Variants in CNOT4 observed in about 807,000 individuals in gnomAD.
CNOT4 encodes the protein CCR4-NOT transcription complex subunit 4.
CNOT4 carries 8 observed loss-of-function variants against 73.8 expected under a neutral mutation model. The ratio of observed to expected loss-of-function variants is 0.11; its 90% CI spans 0.06 to 0.20. CNOT4 has a LOEUF of 0.20. Ranked by LOEUF, CNOT4 falls within the 10% of genes least tolerant of loss-of-function variation. CNOT4 has a pLI of 1.00. For missense variants in CNOT4, 564 were observed against 883.4 expected, an observed-to-expected ratio of 0.64 and a Z score of 4.58; for synonymous variants, 293 against 321.1, an observed-to-expected ratio of 0.91 and a Z score of 0.94.
intron 1 of CNOT4, among the ~76,000 whole-genome samples, chr7:135,478,156 T>C (rs1802117409): frequency 1.3e-5 from 2 of 152,194 alleles, no homozygotes; most frequent in Non-Finnish European, 2.9e-5. Context: ...ACACTCTTAT[T>C]TGAATGAAAT....
intron 2 of CNOT4, among the ~76,000 whole-genome samples, chr7:135,431,668 G>A (rs1269218538): frequency 2.0e-5 from 3 of 151,016 alleles, no homozygotes; most frequent in Non-Finnish European, 4.4e-5. Context: ...ACTTGAACCC[G>A]GCAGGTGGAG....
At chr7:135,446,556 T>C (rs1585656263) in intron 1 of CNOT4, among the ~76,000 whole-genome samples, 1 of 152,288 alleles carries the variant, frequency 6.6e-6, no homozygotes, top group East Asian at 1.9e-4. Flanking sequence ...TTTTTGCCAA[T>C]CTAATAGATG....
At chr7:135,474,361 T>C (rs945497222) in intron 1 of CNOT4, among the ~76,000 whole-genome samples, 1 of 145,184 alleles carries the variant, frequency 6.9e-6, no homozygotes, top group Non-Finnish European at 1.5e-5. Flanking sequence ...CTCAGCTCAC[T>C]GCAACCTTCA....
At chr7:135,408,492 A>G (rs1797423206) in intron 7 of CNOT4, among the ~76,000 whole-genome samples, 1 of 152,222 alleles carries the variant, frequency 6.6e-6, no homozygotes, top group Non-Finnish European at 1.5e-5. Context: ...AACACTTTAC[A>G]AATTTACATT....
chr7:135,403,777 A>C (rs908853512), intron 7 of CNOT4, among the ~76,000 whole-genome samples: 5 of 152,354 alleles, frequency 3.3e-5, no homozygotes, highest in Admixed American at 3.3e-4. Flanking sequence ...ATTAGTTTTT[A>C]ATAATAAAGT....
At chr7:135,505,368 A>G (rs567962748) in intron 1 of CNOT4, among the ~76,000 whole-genome samples, 1 of 152,300 alleles carries the variant, frequency 6.6e-6, no homozygotes, top group South Asian at 2.1e-4. Context: ...GCTGGTCAAC[A>G]TGGTGAAACC....
chr7:135,466,439 A>C (rs1276936416), intron 1 of CNOT4, among the ~76,000 whole-genome samples: 1 of 150,460 alleles, frequency 6.6e-6, no homozygotes, highest in Admixed American at 6.7e-5. Flanking sequence ...ACACCACTGC[A>C]CTCCATCCAG....
intron 8 of CNOT4, among the ~76,000 whole-genome samples, chr7:135,397,068 C>T (rs1219896427): frequency 2.0e-5 from 3 of 151,954 alleles, no homozygotes; most frequent in Non-Finnish European, 4.4e-5. Context: ...TCTGTGACCG[C>T]AAAAACATTA....
At chr7:135,441,551 G>A (rs1417552183) in intron 1 of CNOT4, among the ~76,000 whole-genome samples, 3 of 151,938 alleles carry the variant, frequency 2.0e-5, no homozygotes, top group Non-Finnish European at 4.4e-5. Flanking sequence ...CTCAAATATC[G>A]GTTCCAATAA....
chr7:135,370,559 T>G (rs1174415587), intron 10 of CNOT4, among the ~76,000 whole-genome samples: 1 of 152,168 alleles, frequency 6.6e-6, no homozygotes, highest in Non-Finnish European at 1.5e-5. Context: ...CACCTTTCCA[T>G]GTACTCATAC....
chr7:135,450,378 G>C (rs1800085398), intron 1 of CNOT4, among the ~76,000 whole-genome samples: 1 of 152,050 alleles, frequency 6.6e-6, no homozygotes, highest in Admixed American at 6.5e-5. Flanking sequence ...GAGTGCAGTG[G>C]CGTGATCTCG....
chr7:135,411,934 A>G (rs1383761709), intron 6 of CNOT4, among the ~76,000 whole-genome samples: 1 of 151,986 alleles, frequency 6.6e-6, no homozygotes, highest in East Asian at 1.9e-4. Context: ...GATTTTTGCC[A>G]TAAAATTTAT....
intron 10 of CNOT4, among the ~76,000 whole-genome samples, chr7:135,368,796 T>C (rs1795046437): frequency 6.6e-6 from 1 of 152,238 alleles, no homozygotes. Flanking sequence ...ACAATGACTA[T>C]ATTATAGACT....
chr7:135,431,005 T>C (rs745957310), intron 2 of CNOT4, among the ~76,000 whole-genome samples: 3 of 152,218 alleles, frequency 2.0e-5, no homozygotes, highest in Non-Finnish European at 2.9e-5. Context: ...GACTCATGCC[T>C]ATAATCCCAG....
chr7:135,442,394 C>T lies in CNOT4; in HGVS notation c.-92-3971G>A, dbSNP rs540921557. On this transcript the variant is annotated intron_variant, in intron 1 of 11. Transcript: ENST00000541284. Reference sequence around the variant, plus strand: ...GGCGGATCACCTGAGGTCAGGAGTTCGAGACCAGCCTGGCCAACATGGTGA... The same window carrying T: ...GGCGGATCACCTGAGGTCAGGAGTTTGAGACCAGCCTGGCCAACATGGTGA... 1.4e-4 allele frequency among the ~76,000 whole-genome samples: 21 copies of T among 152,164 alleles called. 1 individual carries two copies. The East Asian group carries it at 3.3e-3, about 24-fold the overall frequency.
At chr7:135,458,597 A>G (rs1376917658) in intron 1 of CNOT4, among the ~76,000 whole-genome samples, 2 of 152,110 alleles carry the variant, frequency 1.3e-5, no homozygotes, top group Non-Finnish European at 2.9e-5. Context: ...TGCTTTGTCA[A>G]ATAAGTTTAT....
intron 2 of CNOT4, among the ~76,000 whole-genome samples, chr7:135,435,723 T>A (rs1391183151): frequency 6.6e-6 from 1 of 152,218 alleles, no homozygotes; most frequent in African/African-American, 2.4e-5. Context: ...GTGAGAATCC[T>A]GGTAATCTGC....
chr7:135,474,295 T>A (rs1801846804), intron 1 of CNOT4, among the ~76,000 whole-genome samples: 1 of 141,058 alleles, frequency 7.1e-6, no homozygotes, highest in Non-Finnish European at 1.5e-5. Context: ...TTTTTTTTTT[T>A]TTTTTTTGAG....
intron 1 of CNOT4, among the ~76,000 whole-genome samples, chr7:135,461,961 CTT>C (rs1217004712): frequency 6.6e-6 from 1 of 151,924 alleles, no homozygotes; most frequent in East Asian, 1.9e-4. Context: ...TCAGCAAACT[CTT>C]CTCTTTAAAA....
Sources: gnomAD v4.1 joint callset for allele counts (sites outside exome capture counted in the v4.1 genomes callset) on GRCh38, gnomAD v4.1.1 for gene constraint, MANE v1.5 for transcripts, NCBI Gene and HGNC (gene_info 2026-07-23, HGNC 2026-07-21) for gene names.